POLR3A: variants seen among roughly 807,000 people sequenced by gnomAD.
POLR3A encodes the protein RNA polymerase III subunit A.
Under a neutral mutation model 152.8 loss-of-function variants are expected in POLR3A, and 112 were observed. The ratio of observed to expected loss-of-function variants is 0.73; its 90% confidence interval spans 0.63 to 0.86. POLR3A has a LOEUF of 0.86. POLR3A is among the 40% of genes least tolerant of loss of function. The pLI, the probability that POLR3A is intolerant of heterozygous loss-of-function variation, is 0.00. For synonymous variants in POLR3A, 615 were observed against 652.1 expected, an observed-to-expected ratio of 0.94 and a Z score of 0.87; for missense variants, 1,385 against 1,743.1, an observed-to-expected ratio of 0.79 and a Z score of 3.66.
At chr10:77,990,846 T>C (rs1288969273) in intron 21 of POLR3A, among the ~76,000 whole-genome samples, 1 of 152,156 alleles carries the variant, frequency 6.6e-6, no homozygotes, top group African/African-American at 2.4e-5. Flanking sequence ...ACTCCTGACC[T>C]CAAGTGATCC....
At chr10:78,022,987 G>A (rs1280197976) in intron 5 of POLR3A, among the ~76,000 whole-genome samples, 1 of 152,084 alleles carries the variant, frequency 6.6e-6, no homozygotes, top group East Asian at 1.9e-4. Context: ...GCGAAACCTC[G>A]TCTCTACTAA....
At position 77,977,359 on chromosome 10, in the gene POLR3A, G is replaced by T; in HGVS notation, c.*119C>A. ...CTGGGGATGCCAAGAGGGCTTCTCT[G>T]ATTGCTGGCATAGGTGGGGACCTCA... is the stretch of plus-strand genomic sequence containing the variant. On this transcript the variant is annotated 3_prime_UTR_variant, in exon 31 of 31. Transcript: ENST00000372371. 9.8e-7 allele frequency: 1 copy of T among 1,017,464 alleles called. No homozygotes were observed. Among genetic ancestry groups the T allele is most frequent in the South Asian group, 1.3e-5 (1 of 78,004 alleles). 63.0% of individuals were successfully genotyped at this position (1,017,464 alleles called of 1,614,324 possible). A position where few individuals can be genotyped will look rare whatever the true frequency, so the allele number is the denominator to read the frequency against.
intron 11 of POLR3A, chr10:78,013,292 C>T (rs910832954): frequency 6.6e-6 from 2 of 303,454 alleles, no homozygotes; most frequent in Non-Finnish European, 1.3e-5. Context: ...GGTAGGACAT[C>T]TTCTTCCCCT....
chr10:78,012,083 G>A (rs552592061), intron 11 of POLR3A, among the ~76,000 whole-genome samples: 1 of 152,294 alleles, frequency 6.6e-6, no homozygotes, highest in African/African-American at 2.4e-5. Context: ...ATAAATCTAA[G>A]GCCAGGTGCA....
chr10:77,991,276 T>C, intron 20 of POLR3A, 109 bp from the exon 21 acceptor site: 1 of 717,542 alleles, frequency 1.4e-6, no homozygotes, highest in Non-Finnish European at 2.5e-6. Context: ...GGTGAGCTTT[T>C]AGCAACCTGT....
chr10:77,987,931 G>A (rs943078697), intron 21 of POLR3A, among the ~76,000 whole-genome samples: 4 of 152,198 alleles, frequency 2.6e-5, no homozygotes, highest in Admixed American at 2.6e-4. Flanking sequence ...CTTGGCCAAG[G>A]CAACCAACCA....
chr10:77,981,529 G>A lies in POLR3A; in HGVS notation c.3790C>T (p.Arg1264Trp). Residue 1264 changes from arginine to tryptophan, a missense_variant, in exon 29 of 31, where the codon CGG becomes TGG. Around this residue, in one of 7 missense-constraint regions of POLR3A, gnomAD observed 332 missense variants for 400.1 expected, o/e 0.83. Coordinates refer to ENST00000372371, the MANE Select transcript of POLR3A (RefSeq NM_007055.4). ...VEKTLGIEAA[R>W]TTIINEIQYT... ...TGGATTTCATTGATGATCGTTGTCC[G>A]GGCGGCCTCGATGCCCAGAGTTTTC... 12 of 1,613,980 alleles carry A rather than the reference G, an allele frequency of 7.4e-6. No homozygotes were observed. The highest frequency in any genetic ancestry group is 7.6e-6 in the Non-Finnish European group (9 of 1,179,944).
intron 25 of POLR3A, 87 bp downstream of exon 25, chr10:77,984,118 C>T: frequency 1.6e-6 from 2 of 1,227,488 alleles, no homozygotes; most frequent in Non-Finnish European, 2.4e-6. Context: ...ACGCCACAGG[C>T]TGGTCAATAG....
chr10:78,003,221 C>T lies in POLR3A; in HGVS notation c.2248-913G>A, dbSNP rs188493007. On this transcript the variant is annotated intron_variant, in intron 16 of 30. Coordinates refer to ENST00000372371, the MANE Select transcript of POLR3A (RefSeq NM_007055.4). ...TCTCAAGTAATTTTCTAGGAGGTACCGGTGAGGGATATCCTTTTCTCTCTC... is the reference window on the plus strand; with the variant it reads ...TCTCAAGTAATTTTCTAGGAGGTACTGGTGAGGGATATCCTTTTCTCTCTC... Among the ~76,000 whole-genome samples, 40 of 152,218 alleles carry T rather than the reference C, an allele frequency of 2.6e-4. 1 individual carries two copies. The highest frequency in any genetic ancestry group is 8.7e-4 in the African/African-American group (36 of 41,522).
In POLR3A at chr10:78,013,750, C is replaced by T; in HGVS notation, c.1472G>A (p.Cys491Tyr). 6.2e-7 allele frequency: 1 copy of T among 1,614,122 alleles called. No individual in the cohort carries two copies. ...GTCAGCATTATAGGGTGTACAGACA[C>T]ACTCATTAAATCTGAAGGTCCGGTG... ...KPHRTFRFNE[C>Y]VCTPYNADFD... Residue 491 changes from cysteine (C) to tyrosine (Y), a missense_variant, in exon 11 of 31, where the codon TGT (cysteine) becomes TAT (tyrosine). Transcript: ENST00000372371.
At chr10:77,987,236 G>A (rs1262419166) in intron 21 of POLR3A, among the ~76,000 whole-genome samples, 3 of 152,244 alleles carry the variant, frequency 2.0e-5, no homozygotes, top group East Asian at 1.9e-4. Flanking sequence ...CTGCCATCCC[G>A]GGAGCTGGCA....
intron 5 of POLR3A, among the ~76,000 whole-genome samples, chr10:78,024,065 A>G (rs1847606043): frequency 6.6e-6 from 1 of 152,156 alleles, no homozygotes. Flanking sequence ...CGGTCAAATA[A>G]GAATTACTGG....
At chr10:77,984,911 C>A (rs1847183287) in intron 24 of POLR3A, among the ~76,000 whole-genome samples, 1 of 152,190 alleles carries the variant, frequency 6.6e-6, no homozygotes, top group Non-Finnish European at 1.5e-5. Context: ...TTTTTCCAGT[C>A]ATTTTAAACA....
chr10:78,024,896 T>C (rs781690647), intron 4 of POLR3A, 75 bp downstream of exon 4: 4 of 1,560,090 alleles, frequency 2.6e-6, no homozygotes, highest in Admixed American at 1.7e-5. Flanking sequence ...CCGAACATTA[T>C]GTAAACCTAA....
intron 1 of POLR3A, among the ~76,000 whole-genome samples, chr10:78,027,661 C>CT (rs745603625): frequency 6.6e-6 from 1 of 151,704 alleles, no homozygotes; most frequent in Non-Finnish European, 1.5e-5. Context: ...AGCGATTCTC[C>CT]TGCCTCAGAC....
At chr10:77,999,796 C>T (rs909396489) in intron 19 of POLR3A, among the ~76,000 whole-genome samples, 185 bp downstream of exon 19, 3 of 152,240 alleles carry the variant, frequency 2.0e-5, no homozygotes, top group South Asian at 2.1e-4. Context: ...TAGGATGATT[C>T]GGAACATACT....
rs1413988282 is a variant in POLR3A, at chr10:78,025,779, C to A, written c.181-20G>T. Reference sequence around the variant, plus strand: ...CGTACCCTTTGAAAAAAAGCACACCCAATGATCAACACAGACTGCTGGACG... The same window carrying A: ...CGTACCCTTTGAAAAAAAGCACACCAAATGATCAACACAGACTGCTGGACG... On this transcript the variant is annotated intron_variant, in intron 2 of 30. Transcript: ENST00000372371. 4 of 1,612,628 alleles carry A rather than the reference C, an allele frequency of 2.5e-6. No individual in the cohort carries two copies. The East Asian group carries it at 8.9e-5, about 36-fold the overall frequency.
At chr10:78,011,450 T>A (rs1230314657) in intron 11 of POLR3A, among the ~76,000 whole-genome samples, 1 of 152,152 alleles carries the variant, frequency 6.6e-6, no homozygotes. Flanking sequence ...GATATGAAAA[T>A]GCACATGTGT....
At chr10:77,985,809 T>C (rs1847191179) in intron 23 of POLR3A, 94 bp downstream of exon 23, 2 of 924,606 alleles carry the variant, frequency 2.2e-6, no homozygotes, top group Non-Finnish European at 3.6e-6. Context: ...AGTTAACAAG[T>C]GAGCTGGTGC....
Sources: allele counts gnomAD v4.1 joint callset (sites outside exome capture counted in the v4.1 genomes callset), GRCh38; gene constraint gnomAD v4.1.1; regional missense constraint gnomAD v4.1.1; transcripts MANE v1.5; gene names NCBI Gene and HGNC (gene_info 2026-07-23, HGNC 2026-07-21).